Variants in ASH2L observed in about 807,000 individuals in gnomAD.
The protein encoded by ASH2L is set1/Ash2 histone methyltransferase complex subunit ASH2.
A neutral mutation model predicts 81.1 loss-of-function variants in ASH2L; 30 were observed. That is an observed-to-expected ratio of 0.37 (90% confidence interval 0.28 to 0.50). The LOEUF (loss-of-function observed/expected upper bound fraction) is 0.50. Among genes scored for constraint, ASH2L ranks in the 20% least tolerant of loss-of-function variants. The probability of loss-of-function intolerance (pLI) is 0.95; values close to 1 mark genes in which losing one functional copy is unlikely to be tolerated. For synonymous variants in ASH2L, 273 were observed against 279.9 expected, an observed-to-expected ratio of 0.98 and a Z score of 0.24; for missense variants, 559 against 792.1, an observed-to-expected ratio of 0.71 and a Z score of 3.53.
At position 38,121,004 on chromosome 8, in the gene ASH2L, C is replaced by T; in HGVS notation, c.1020C>T (p.Gly340=). ...TGGAACACCCGTTTAACAAAGATGG[C>T]TATCGGTATATTCTAGCTGAGCCTG... is the stretch of plus-strand genomic sequence containing the variant. ...YPLEHPFNKD[G]YRYILAEPDP... The change falls in exon 10 of 16, where the codon GGC becomes GGT. Residue 340 remains glycine, a synonymous_variant. Transcript: ENST00000343823. 6.2e-7 allele frequency: 1 copy of T among 1,613,772 alleles called. No individual in the cohort carries two copies. The highest frequency in any genetic ancestry group is 8.5e-7 in the Non-Finnish European group (1 of 1,179,976).
At chr8:38,118,207 C>T (rs1810988776) in intron 8 of ASH2L, among the ~76,000 whole-genome samples, 1 of 152,136 alleles carries the variant, frequency 6.6e-6, no homozygotes, top group Non-Finnish European at 1.5e-5. Context: ...AAGTCTGGTC[C>T]TGTATATGCA....
At chr8:38,111,686 C>T (rs1221325633) in intron 5 of ASH2L, among the ~76,000 whole-genome samples, 2 of 152,112 alleles carry the variant, frequency 1.3e-5, no homozygotes, top group Non-Finnish European at 2.9e-5. Flanking sequence ...GCACCCGGCC[C>T]ATTTCTTCTT....
Position 38,106,506 on chromosome 8 carries a change from CTTTT to C in ASH2L, c.255+75_255+78del, listed in dbSNP as rs112972804. 1.4e-3 allele frequency: 1,328 copies of C among 961,686 alleles called. 1 individual carries two copies. Among genetic ancestry groups the C allele is most frequent in the Non-Finnish European group, 1.5e-3 (1,007 of 675,000 alleles). 59.6% of individuals were successfully genotyped at this position (961,686 alleles called of 1,614,324 possible). ...TTTGTTTTAGTTATTTCTTCTTCTT[CTTTT>C]TTTTTTTTTTTTGTTGCGACGGAGC... is the stretch of plus-strand genomic sequence containing the variant. On this transcript the variant is annotated intron_variant, in intron 2 of 15. Coordinates refer to ENST00000343823, the MANE Select transcript of ASH2L (RefSeq NM_004674.5).
At chr8:38,125,568 A>G (rs536442086) in intron 10 of ASH2L, among the ~76,000 whole-genome samples, 93 of 151,420 alleles carry the variant, frequency 6.1e-4, no homozygotes, top group African/African-American at 1.9e-3. Context: ...AGATCGCGCC[A>G]TTGCACTCCA....
chr8:38,131,794 A>G (rs1802068793), intron 12 of ASH2L, among the ~76,000 whole-genome samples: 2 of 151,764 alleles, frequency 1.3e-5, no homozygotes, highest in South Asian at 4.1e-4. Context: ...GACAAAACTT[A>G]TAATATGTTA....
In ASH2L at chr8:38,133,536, C is replaced by T. The variant is rs779252951; in HGVS notation, c.1610C>T (p.Pro537Leu). The T allele has an allele frequency of 5.0e-6, 8 of 1,607,608 alleles. No homozygotes were observed. Among genetic ancestry groups the T allele is most frequent in the Non-Finnish European group, 6.8e-6 (8 of 1,177,226 alleles). The change falls in exon 13 of 16, where the codon CCC becomes CTC. Residue 537 changes from proline (P) to leucine (L), a missense_variant. Transcript: ENST00000343823. ...DKAEKSLKQT[P>L]HSEIIFYKNG... ...GCAGAGAAGAGCCTGAAGCAGACTC[C>T]CCATAGTGAGGTGAGTCATGGCCAT...
chr8:38,129,097 T>C, intron 12 of ASH2L, 146 bp downstream of exon 12: 3 of 1,245,284 alleles, frequency 2.4e-6, no homozygotes, highest in Non-Finnish European at 3.3e-6. Flanking sequence ...AGAATAACAG[T>C]AACAATCGGT....
chr8:38,121,201 T>C (rs766958379), intron 10 of ASH2L, 52 bp downstream of exon 10: 15 of 1,507,594 alleles, frequency 9.9e-6, no homozygotes, highest in Middle Eastern at 4.6e-4. Context: ...TGAACTGCCA[T>C]CATTAGCCTT....
chr8:38,113,815 C>G (rs1462710003), intron 5 of ASH2L, among the ~76,000 whole-genome samples: 9 of 152,138 alleles, frequency 5.9e-5, no homozygotes, highest in African/African-American at 2.2e-4. Flanking sequence ...AGTTTGAGGT[C>G]CCTTTAGGAT....
intron 9 of ASH2L, among the ~76,000 whole-genome samples, chr8:38,119,846 C>T (rs1005080971): frequency 6.6e-6 from 1 of 151,816 alleles, no homozygotes; most frequent in Non-Finnish European, 1.5e-5. Flanking sequence ...AGGCCGGGCA[C>T]GGTGGGTCAT....
intron 1 of ASH2L, 183 bp downstream of exon 1, chr8:38,105,921 C>G: frequency 6.7e-7 from 1 of 1,484,334 alleles, no homozygotes; most frequent in East Asian, 2.5e-5. Context: ...GCCCCTTCCG[C>G]ACCTTTCACG....
chr8:38,116,609 A>G lies in ASH2L; in HGVS notation c.778-41A>G, dbSNP rs777338030. The G allele has an allele frequency of 2.7e-6, 4 of 1,480,602 alleles. No homozygotes were observed. In the Admixed American group the frequency reaches 7.4e-5, roughly 27 times the overall value. 91.7% of individuals were successfully genotyped at this position (1,480,602 alleles called of 1,614,324 possible). A position where few individuals can be genotyped will look rare whatever the true frequency, so the allele number is the denominator to read the frequency against. On this transcript the variant is annotated intron_variant, in intron 7 of 15. Coordinates refer to ENST00000343823, the MANE Select transcript of ASH2L (RefSeq NM_004674.5). ...GTTTTATGAGCATCCAGATTGACTG[A>G]CTTACGTAGACTCCTTTTTTAATTG...
intron 12 of ASH2L, among the ~76,000 whole-genome samples, chr8:38,133,204 C>T (rs1457668444): frequency 1.3e-5 from 2 of 152,022 alleles, no homozygotes; most frequent in Non-Finnish European, 2.9e-5. Flanking sequence ...TTGTGGTAAG[C>T]ATGTATGTAT....
At chr8:38,138,090 C>A (rs979755920) in intron 14 of ASH2L, 1 of 152,058 alleles carries the variant, frequency 6.6e-6, no homozygotes, top group African/African-American at 2.4e-5. Flanking sequence ...CCAGCCTGGG[C>A]AACATAGCAA....
At position 38,122,223 on chromosome 8, in the gene ASH2L, GC is replaced by G. The variant is rs150738830; in HGVS notation, c.1165+1076del. Among the ~76,000 whole-genome samples the G allele has an allele frequency of 4.1e-3, 630 of 152,110 alleles. 6 individuals carry two copies. Among genetic ancestry groups the G allele is most frequent in the African/African-American group, 0.014 (584 of 41,512 alleles). On this transcript the variant is annotated intron_variant, in intron 10 of 15. Transcript: ENST00000343823. ...GTTGGTTCTTGTGTTCTTTCGATAA[GC>G]CGTGTCTTTTTTTAAAAAAAAAATT...
intron 5 of ASH2L, among the ~76,000 whole-genome samples, chr8:38,113,678 A>G (rs1019321427): frequency 1.3e-5 from 2 of 152,236 alleles, no homozygotes; most frequent in African/African-American, 4.8e-5. Context: ...GAGAAGAGTC[A>G]AGGACAACTC....
At chr8:38,133,762 G>C (rs1325280424) in intron 13 of ASH2L, among the ~76,000 whole-genome samples, 1 of 152,114 alleles carries the variant, frequency 6.6e-6, no homozygotes, top group African/African-American at 2.4e-5. Flanking sequence ...GTTCTTTCAG[G>C]ATAACTCTGT....
At chr8:38,105,897 A>T in intron 1 of ASH2L, 159 bp downstream of exon 1, 1 of 1,457,758 alleles carries the variant, frequency 6.9e-7, no homozygotes. Context: ...CCTCTCAAGC[A>T]TATCTCGGAT....
intron 14 of ASH2L, among the ~76,000 whole-genome samples, chr8:38,136,589 A>T (rs973356292): frequency 5.3e-5 from 8 of 151,786 alleles, no homozygotes; most frequent in African/African-American, 1.2e-4. Context: ...AGCCTGGCCA[A>T]CATGGCGAAA....
Sources: allele counts gnomAD v4.1 joint callset (sites outside exome capture counted in the v4.1 genomes callset), GRCh38; gene constraint gnomAD v4.1.1; transcripts MANE v1.5; gene names NCBI Gene and HGNC (gene_info 2026-07-23, HGNC 2026-07-21).